The following ADAM9 variants were observed in gnomAD, a reference collection of about 807,000 sequenced individuals.
ADAM9 encodes disintegrin and metalloproteinase domain-containing protein 9.
A neutral mutation model predicts 108.1 loss-of-function variants in ADAM9; 54 were observed. The observed-to-expected ratio is 0.50, with a 90% CI of 0.40 to 0.63. ADAM9 has a LOEUF of 0.63. ADAM9 is among the 20% of genes least tolerant of loss of function. The pLI, the probability that ADAM9 is intolerant of heterozygous loss-of-function variation, is 0.00. For missense variants in ADAM9, 830 were observed against 997.7 expected, an observed-to-expected ratio of 0.83 and a Z score of 2.26; for synonymous variants, 316 against 336.0, an observed-to-expected ratio of 0.94 and a Z score of 0.65.
At chr8:39,017,460 A>G (rs761942757) in intron 6 of ADAM9, 46 bp downstream of exon 6, 95 of 1,576,528 alleles carry the variant, frequency 6.0e-5, no homozygotes, top group Non-Finnish European at 7.6e-5. Context: ...ACCATTTTAG[A>G]AAAATCATGT....
intron 11 of ADAM9, 100 bp downstream of exon 11, chr8:39,026,910 G>A (rs1369796994): frequency 9.1e-6 from 13 of 1,435,774 alleles, no homozygotes; most frequent in African/African-American, 4.3e-5. Context: ...AACAGGAAAT[G>A]TTATTTCCGG....
rs34010269 is a variant in ADAM9 at position 39,050,452 on chromosome 8, C to CTT, written c.1303-4017_1303-4016dup. ...CCTTAAGCTTTCTTCACTTATATTT[C>CTT]TTTTTTTTTTTTTGCTCCTCTGACT... On this transcript the variant is annotated intron_variant, in intron 12 of 21. Transcript: ENST00000487273. Among the ~76,000 whole-genome samples, 324 of 144,330 alleles carry CTT rather than the reference C, an allele frequency of 2.2e-3. 2 individuals carry two copies. The highest frequency in any genetic ancestry group is 3.0e-3 in the East Asian group (15 of 4,958). The allele number at this position is 144,330 out of a possible 152,430, so 94.7% of individuals were successfully genotyped here.
intron 18 of ADAM9, chr8:39,089,741 G>A: frequency 2.7e-6 from 1 of 364,172 alleles, no homozygotes; most frequent in South Asian, 2.4e-5. Flanking sequence ...TGCACCAAAT[G>A]GTATATAAAT....
chr8:39,102,293 T>G (rs901754522), intron 21 of ADAM9, among the ~76,000 whole-genome samples: 1 of 152,184 alleles, frequency 6.6e-6, no homozygotes, highest in Non-Finnish European at 1.5e-5. Flanking sequence ...AATATGTGTT[T>G]GAAGGCATAG....
At position 38,997,143 on chromosome 8, in the gene ADAM9, T is replaced by TCGGTG; in HGVS notation, c.84_88dup (p.Ala30ValfsTer19). ...TTGCTTGGCCTGGTGGGCCCAGTCC[T>TCGGTG]CGGTGCGGCGCGGCCAGGTGGGTGT... is the stretch of plus-strand genomic sequence containing the variant. On this transcript the variant is annotated frameshift_variant, in exon 1 of 22. Transcript: ENST00000487273. LOFTEE classifies it high-confidence loss of function. The TCGGTG allele has an allele frequency of 6.2e-7, 1 of 1,601,106 alleles. No individual in the cohort carries two copies. Among genetic ancestry groups the TCGGTG allele is most frequent in the Non-Finnish European group, 8.5e-7 (1 of 1,179,136 alleles).
chr8:39,042,985 T>TA (rs1837499742), intron 12 of ADAM9, among the ~76,000 whole-genome samples: 1 of 152,204 alleles, frequency 6.6e-6, no homozygotes, highest in African/African-American at 2.4e-5. Flanking sequence ...CTATTTTAGA[T>TA]ACCTAATATA....
At chr8:39,064,067 G>A in intron 14 of ADAM9, among the ~76,000 whole-genome samples, 1 of 152,266 alleles carries the variant, frequency 6.6e-6, no homozygotes, top group South Asian at 2.1e-4. Flanking sequence ...AAAATAAGGA[G>A]CAACCAGGCA....
chr8:39,051,236 TTCTC>T lies in ADAM9; in HGVS notation c.1303-3242_1303-3239del, dbSNP rs560627273. 2.6e-4 allele frequency among the ~76,000 whole-genome samples: 40 copies of T among 152,296 alleles called. No individual in the cohort carries two copies. The South Asian group carries it at 7.9e-3, about 30-fold the overall frequency. ...AATATTGGATGTGTGGCCCAACTCT[TTCTC>T]TCCTCAGGGAGATGCTGAGAGCTGT... is the stretch of plus-strand genomic sequence containing the variant. On this transcript the variant is annotated intron_variant, in intron 12 of 21. Transcript: ENST00000487273.
intron 14 of ADAM9, among the ~76,000 whole-genome samples, chr8:39,066,213 C>T (rs558619162): frequency 5.3e-5 from 8 of 152,276 alleles, no homozygotes; most frequent in East Asian, 1.9e-4. Context: ...AATAAACATA[C>T]GTGTGCATAT....
At chr8:39,028,248 A>G (rs758810906) in intron 11 of ADAM9, among the ~76,000 whole-genome samples, 4 of 152,190 alleles carry the variant, frequency 2.6e-5, no homozygotes, top group South Asian at 2.1e-4. Flanking sequence ...GACAATTTCA[A>G]TCACATGCTA....
intron 14 of ADAM9, among the ~76,000 whole-genome samples, chr8:39,063,312 A>G (rs533000868): frequency 1.3e-5 from 2 of 152,312 alleles, no homozygotes; most frequent in South Asian, 4.1e-4. Context: ...GTGGATCCTG[A>G]GGGAAATTGG....
chr8:39,103,350 G>GA lies in ADAM9; in HGVS notation c.2367-251dup, dbSNP rs562563060. Among the ~76,000 whole-genome samples the GA allele has an allele frequency of 2.2e-3, 279 of 128,834 alleles. 1 individual carries two copies. Among genetic ancestry groups the GA allele is most frequent in the Non-Finnish European group, 1.8e-3 (105 of 59,486 alleles). 84.5% of individuals were successfully genotyped at this position (128,834 alleles called of 152,430 possible). A position where few individuals can be genotyped will look rare whatever the true frequency, so the allele number is the denominator to read the frequency against. ...CATTTCATGTGCTTTTTTTTTTTTT[G>GA]AAAAAACATGTAAACTAGAACCTTC... On this transcript the variant is annotated intron_variant, in intron 21 of 21. Transcript: ENST00000487273.
chr8:38,997,151 G>A lies in ADAM9; in HGVS notation c.88G>A (p.Ala30Thr), dbSNP rs1336601840. ...CCTGGTGGGCCCAGTCCTCGGTGCG[G>A]CGCGGCCAGGTGGGTGTCCGCGCCC... ...LGLVGPVLGA[A>T]RPGFQQTSHL... is the part of the protein sequence containing the mutation. Residue 30 changes from alanine (A) to threonine (T), a missense_variant, in exon 1 of 22, where the codon GCG becomes ACG. Physicochemically the swap from Ala to Thr is moderately conservative, Grantham distance 58. Transcript: ENST00000487273. 1 of 1,599,440 alleles carries A rather than the reference G, an allele frequency of 6.3e-7. No homozygotes were observed. The highest frequency in any genetic ancestry group is 8.5e-7 in the Non-Finnish European group (1 of 1,178,782).
intron 15 of ADAM9, among the ~76,000 whole-genome samples, chr8:39,075,283 G>A (rs1039310676): frequency 2.6e-5 from 4 of 152,164 alleles, no homozygotes; most frequent in African/African-American, 4.8e-5. Context: ...TTATATCAAG[G>A]AGTCACTTAG....
Position 39,090,036 on chromosome 8 carries a change from C to A in ADAM9, c.2069-11C>A, listed in dbSNP as rs758475354. 2 of 1,613,464 alleles carry A rather than the reference C, an allele frequency of 1.2e-6. No homozygotes were observed. Among genetic ancestry groups the A allele is most frequent in the East Asian group, 2.2e-5 (1 of 44,802 alleles). ...GTTTGGTGACTGTTGATGTAAAATT[C>A]TTCTCTCTAGAAATGAATACTGCAT... On this transcript the variant is annotated splice_polypyrimidine_tract_variant and intron_variant, in intron 18 of 21. Coordinates refer to ENST00000487273, the MANE Select transcript of ADAM9 (RefSeq NM_003816.3).
At chr8:39,018,230 A>AT (rs1836609472) in intron 6 of ADAM9, among the ~76,000 whole-genome samples, 1 of 152,200 alleles carries the variant, frequency 6.6e-6, no homozygotes, top group Non-Finnish European at 1.5e-5. Flanking sequence ...ATACTAGTTT[A>AT]TGGCATTATT....
At position 39,019,045 on chromosome 8, in the gene ADAM9, A is replaced by C. The variant is rs1836646524; in HGVS notation, c.672+127A>C. On this transcript the variant is annotated intron_variant, in intron 7 of 21. Coordinates refer to ENST00000487273, the MANE Select transcript of ADAM9 (RefSeq NM_003816.3). The stretch of plus-strand genomic sequence containing the variant: ...CTTAAATAATGATTTTAAAACTAAA[A>C]TGGTTTTTTTCCCTTAAACTTTATA... 1.4e-5 allele frequency: 14 copies of C among 1,004,020 alleles called. 1 individual carries two copies. The South Asian group carries it at 2.0e-4, about 14-fold the overall frequency. 62.2% of individuals were successfully genotyped at this position (1,004,020 alleles called of 1,614,324 possible).
intron 14 of ADAM9, among the ~76,000 whole-genome samples, chr8:39,069,721 T>C (rs1838614672): frequency 6.6e-6 from 1 of 152,074 alleles, no homozygotes; most frequent in Non-Finnish European, 1.5e-5. Context: ...TAAAGGAAAA[T>C]AACTTACATT....
chr8:39,062,688 T>G (rs1838335757), intron 14 of ADAM9, among the ~76,000 whole-genome samples: 1 of 152,196 alleles, frequency 6.6e-6, no homozygotes, highest in Admixed American at 6.5e-5. Context: ...TTCATTGCAT[T>G]TAAGTTTCCC....
Sources: allele counts gnomAD v4.1 joint callset (sites outside exome capture counted in the v4.1 genomes callset), GRCh38; gene constraint gnomAD v4.1.1; transcripts MANE v1.5; gene names NCBI Gene and HGNC (gene_info 2026-07-23, HGNC 2026-07-21).